SETDB1: variants seen among roughly 807,000 people sequenced by gnomAD.
SETDB1 encodes histone-lysine N-methyltransferase SETDB1.
A neutral mutation model predicts 137.4 loss-of-function variants in SETDB1; 31 were observed. The ratio of observed to expected loss-of-function variants is 0.23; its 90% CI spans 0.17 to 0.30. The LOEUF (loss-of-function observed/expected upper bound fraction) is 0.30. SETDB1 is among the 10% of genes least tolerant of loss of function. SETDB1 has a pLI of 1.00. For missense variants in SETDB1, 1,113 were observed against 1,631.5 expected, an observed-to-expected ratio of 0.68 and a Z score of 5.47; for synonymous variants, 548 against 579.9, an observed-to-expected ratio of 0.95 and a Z score of 0.79.
At chr1:150,952,400 G>A (rs587734992) in intron 14 of SETDB1, among the ~76,000 whole-genome samples, 2 of 152,188 alleles carry the variant, frequency 1.3e-5, no homozygotes, top group African/African-American at 4.8e-5. Context: ...ATAGATTTGG[G>A]CTGTATTAAT....
intron 12 of SETDB1, 23 bp downstream of exon 12, chr1:150,949,548 G>A: frequency 6.2e-7 from 1 of 1,612,048 alleles, no homozygotes; most frequent in South Asian, 1.1e-5. Context: ...GAGGCTCTCT[G>A]TAGGCAGGAT....
intron 3 of SETDB1, among the ~76,000 whole-genome samples, chr1:150,936,837 T>A (rs189083781): frequency 0.027 from 4,075 of 151,840 alleles, 168 homozygotes; most frequent in African/African-American, 0.089. Context: ...AAAAAAAAAA[T>A]TTGTAGGTTG....
intron 21 of SETDB1, 39 bp from the exon 22 acceptor site, chr1:150,964,208 G>A (rs1670917928): frequency 1.3e-6 from 2 of 1,582,904 alleles, no homozygotes; most frequent in African/African-American, 2.7e-5. Flanking sequence ...TGGGTTATCT[G>A]CTGTCTTTGC....
intron 14 of SETDB1, among the ~76,000 whole-genome samples, chr1:150,953,103 G>T (rs909840181): frequency 6.6e-6 from 1 of 152,174 alleles, no homozygotes; most frequent in Admixed American, 6.6e-5. Flanking sequence ...ACATTTAAAG[G>T]TTGAGCAGAG....
chr1:150,953,200 T>C (rs1261710738), intron 14 of SETDB1, among the ~76,000 whole-genome samples: 1 of 152,066 alleles, frequency 6.6e-6, no homozygotes, highest in Non-Finnish European at 1.5e-5. Flanking sequence ...GAGACCAGAC[T>C]GGGCAACATA....
chr1:150,927,190 G>A (rs1213783956), intron 1 of SETDB1, among the ~76,000 whole-genome samples: 1 of 152,138 alleles, frequency 6.6e-6, no homozygotes, highest in Non-Finnish European at 1.5e-5. Context: ...TGCATGGCGC[G>A]AACATAGCTC....
rs1038955274 is a variant in SETDB1, at chr1:150,961,992, G to A, written c.3133-138G>A. 2.1e-5 allele frequency: 20 copies of A among 943,720 alleles called. 1 individual carries two copies. The South Asian group carries it at 2.7e-4, about 13-fold the overall frequency. The allele number at this position is 943,720 out of a possible 1,614,324, so 58.5% of individuals were successfully genotyped here. On this transcript the variant is annotated intron_variant, in intron 16 of 21. Coordinates refer to ENST00000692827, the MANE Select transcript of SETDB1 (RefSeq NM_001366418.1). ...TAGTGAGGATTTCTGTCAAGTTGCA[G>A]AGTGGTTTACCCACCCCACTTTAGA... is the stretch of plus-strand genomic sequence containing the variant.
In SETDB1 at chr1:150,937,028, G is replaced by A. The variant is rs587677970; in HGVS notation, c.413-2912G>A. Among the ~76,000 whole-genome samples the A allele has an allele frequency of 6.6e-5, 10 of 152,192 alleles. No homozygotes were observed. The South Asian group carries it at 1.5e-3, about 22-fold the overall frequency. ...TAATCCCAGCTACTGGGGAGGCAGC[G>A]GCACAAGAATTGCTTGAACCCGGGA... On this transcript the variant is annotated intron_variant, in intron 3 of 21. Coordinates refer to ENST00000692827, the MANE Select transcript of SETDB1 (RefSeq NM_001366418.1).
intron 3 of SETDB1, among the ~76,000 whole-genome samples, chr1:150,930,706 T>G (rs1395169985): frequency 6.6e-6 from 1 of 151,672 alleles, no homozygotes; most frequent in Non-Finnish European, 1.5e-5. Flanking sequence ...CCCAGCTAAT[T>G]TTTGTATTTT....
chr1:150,950,785 G>C lies in SETDB1; in HGVS notation c.1911G>C (p.Arg637=). The part of the protein sequence containing the change: ...IYKTPCGLCL[R]TMQEIERYLF... ...AGACACCTTGTGGTCTCTGCCTTCG[G>C]ACAATGCAGGAGATAGAACGCTACC... Residue 637 remains arginine (R), a synonymous_variant, in exon 13 of 22, where the codon CGG becomes CGC. Coordinates refer to ENST00000692827, the MANE Select transcript of SETDB1 (RefSeq NM_001366418.1). The C allele has an allele frequency of 6.2e-7, 1 of 1,614,208 alleles. No homozygotes were observed. Among genetic ancestry groups the C allele is most frequent in the South Asian group, 1.1e-5 (1 of 91,080 alleles).
chr1:150,933,767 CTTTTTCTTTTTCTTTTT>C (rs1363218956), intron 3 of SETDB1, among the ~76,000 whole-genome samples: 2 of 116,820 alleles, frequency 1.7e-5, no homozygotes, highest in Non-Finnish European at 3.6e-5. Flanking sequence ...TTTTCTTTTT[CTTTTTCTTTTTCTTTTT>C]TTTTTTTTTT....
At chr1:150,963,372 T>TG (rs1249264678) in intron 19 of SETDB1, 158 bp from the exon 20 acceptor site, 2 of 804,664 alleles carry the variant, frequency 2.5e-6, no homozygotes, top group Non-Finnish European at 4.1e-6. Context: ...TAATTATGCT[T>TG]GAAAAAAAAA....
intron 14 of SETDB1, among the ~76,000 whole-genome samples, chr1:150,956,609 C>G (rs981948541): frequency 6.6e-6 from 1 of 152,180 alleles, no homozygotes; most frequent in Admixed American, 6.5e-5. Flanking sequence ...GTTTCTTGAT[C>G]TGGTGCAGGT....
chr1:150,931,122 T>C (rs760686098), intron 3 of SETDB1, among the ~76,000 whole-genome samples: 2 of 151,446 alleles, frequency 1.3e-5, no homozygotes, highest in Non-Finnish European at 2.9e-5. Context: ...TAGCCAGGCA[T>C]GGTGGTGCAC....
In SETDB1 at chr1:150,951,104, G is replaced by C. The variant is rs147338256; in HGVS notation, c.2216+14G>C. Reference sequence around the variant, plus strand: ...GTGTCGGGACAAGTGAGTTGGTGGGGGGAATTGCTGCCCCTGCTTCCAACT... The same window carrying C: ...GTGTCGGGACAAGTGAGTTGGTGGGCGGAATTGCTGCCCCTGCTTCCAACT... On this transcript the variant is annotated intron_variant, in intron 13 of 21. Coordinates refer to ENST00000692827, the MANE Select transcript of SETDB1 (RefSeq NM_001366418.1). 7 of 1,595,026 alleles carry C rather than the reference G, an allele frequency of 4.4e-6. No individual in the cohort carries two copies. The highest frequency in any genetic ancestry group is 6.0e-6 in the Non-Finnish European group (7 of 1,168,612).
At chr1:150,961,914 A>G (rs1217404841) in intron 16 of SETDB1, 1 of 633,250 alleles carries the variant, frequency 1.6e-6, no homozygotes, top group Non-Finnish European at 2.9e-6. Context: ...GGTGTTTTCC[A>G]TGAGCATTAA....
At chr1:150,962,182 G>A in intron 17 of SETDB1, 24 bp downstream of exon 17, 3 of 1,610,902 alleles carry the variant, frequency 1.9e-6, no homozygotes, top group East Asian at 2.2e-5. Context: ...GTTTTGTTTT[G>A]TTTTGAGACA....
chr1:150,934,432 C>T (rs976990902), intron 3 of SETDB1, among the ~76,000 whole-genome samples: 6 of 152,064 alleles, frequency 3.9e-5, no homozygotes, highest in Admixed American at 2.0e-4. Flanking sequence ...AAGATCGCAC[C>T]GCTGCACTCC....
In SETDB1 at chr1:150,958,184, CAA is replaced by C. The variant is rs1156374407; in HGVS notation, c.2334-981_2334-980del. On this transcript the variant is annotated intron_variant, in intron 14 of 21. Transcript: ENST00000692827. Reference sequence around the variant, plus strand: ...GGCAATGAGAGCGAAACTCTGTCTCCAAAAAAAAAAAAAAGAGCTCCCTGAGG... The same window carrying C: ...GGCAATGAGAGCGAAACTCTGTCTCCAAAAAAAAAAAAGAGCTCCCTGAGG... 7.9e-3 allele frequency among the ~76,000 whole-genome samples: 669 copies of C among 84,264 alleles called. 9 individuals are homozygous for C. Among genetic ancestry groups the C allele is most frequent in the African/African-American group, 0.025 (613 of 24,200 alleles). 55.3% of individuals were successfully genotyped at this position (84,264 alleles called of 152,430 possible).
Sources: gnomAD v4.1 joint callset for allele counts (sites outside exome capture counted in the v4.1 genomes callset) on GRCh38, gnomAD v4.1.1 for gene constraint, MANE v1.5 for transcripts, NCBI Gene and HGNC (gene_info 2026-07-23, HGNC 2026-07-21) for gene names.